Variants in GRID2 observed in about 807,000 individuals in gnomAD.
The protein encoded by GRID2 is glutamate ionotropic receptor delta type subunit 2.
GRID2 carries 33 observed loss-of-function variants against 114.8 expected under a neutral mutation model. The observed-to-expected ratio is 0.29, with a 90% CI of 0.22 to 0.38. GRID2 has a LOEUF of 0.38. Ranked by LOEUF, GRID2 falls within the 10% of genes least tolerant of loss-of-function variation. The pLI is 1.00. For missense variants in GRID2, 1,184 were observed against 1,257.7 expected (o/e 0.94, Z 0.89); for synonymous variants, 505 against 449.9 (o/e 1.12, Z -1.55).
intron 8 of GRID2, among the ~76,000 whole-genome samples, chr4:93,358,548 G>C (rs1761565472): frequency 6.6e-6 from 1 of 151,732 alleles, no homozygotes; most frequent in Admixed American, 6.6e-5. Flanking sequence ...ATAGATAAAT[G>C]GGGAAAATTC....
chr4:93,134,263 T>G (rs1299487115), intron 4 of GRID2, among the ~76,000 whole-genome samples: 3 of 152,146 alleles, frequency 2.0e-5, no homozygotes, highest in Non-Finnish European at 4.4e-5. Context: ...AGATGAATAT[T>G]GTTTAGAAAA....
intron 13 of GRID2, among the ~76,000 whole-genome samples, chr4:93,518,072 C>CATAT (rs151188704): frequency 0.049 from 6,807 of 138,514 alleles, 403 homozygotes; most frequent in African/African-American, 0.12. Context: ...ATAGTATATA[C>CATAT]ATATATATAT....
intron 2 of GRID2, among the ~76,000 whole-genome samples, chr4:92,902,880 T>A (rs1747680532): frequency 6.6e-6 from 1 of 151,992 alleles, no homozygotes; most frequent in African/African-American, 2.4e-5. Context: ...AATCTATGTG[T>A]TGATTTTATT....
intron 1 of GRID2, among the ~76,000 whole-genome samples, chr4:92,538,508 T>C (rs1209571634): frequency 6.6e-6 from 1 of 152,180 alleles, no homozygotes; most frequent in Non-Finnish European, 1.5e-5. Flanking sequence ...TGAGAAAGTA[T>C]GACTTGGAGC....
chr4:92,315,993 C>CAAAAAAAAAAAAAAAAAAAAAGA, intron 1 of GRID2, among the ~76,000 whole-genome samples: 285 of 60,508 alleles, frequency 4.7e-3, no homozygotes, highest in Non-Finnish European at 6.7e-3. Flanking sequence ...AAACAAAAAG[C>CAAAAAAAAAAAAAAAAAAAAAGA]AAAAAAAAAA....
At chr4:92,480,713 A>G (rs933327396) in intron 1 of GRID2, among the ~76,000 whole-genome samples, 4 of 152,108 alleles carry the variant, frequency 2.6e-5, no homozygotes, top group Admixed American at 1.3e-4. Flanking sequence ...CCTTAATTGC[A>G]TCTGCAAGTA....
intron 11 of GRID2, among the ~76,000 whole-genome samples, chr4:93,464,700 G>A (rs943694620): frequency 1.3e-5 from 2 of 151,700 alleles, no homozygotes; most frequent in Admixed American, 6.6e-5. Flanking sequence ...TCTTTTTTGT[G>A]TCAAAATTTA....
intron 1 of GRID2, among the ~76,000 whole-genome samples, chr4:92,337,708 A>G (rs981502218): frequency 6.6e-6 from 1 of 152,184 alleles, no homozygotes; most frequent in African/African-American, 2.4e-5. Context: ...CCCGTGATCC[A>G]GTCACCTCCC....
At chr4:92,439,256 C>T (rs1732895747) in intron 1 of GRID2, among the ~76,000 whole-genome samples, 1 of 152,040 alleles carries the variant, frequency 6.6e-6, no homozygotes, top group African/African-American at 2.4e-5. Context: ...CGGCCATTTA[C>T]ACTTCTTTTG....
chr4:92,774,255 G>C (rs1254271731), intron 2 of GRID2, among the ~76,000 whole-genome samples: 1 of 151,902 alleles, frequency 6.6e-6, no homozygotes, highest in African/African-American at 2.4e-5. Context: ...TGGAGGGAGA[G>C]CATTCCAAGG....
At chr4:93,321,320 TA>T (rs368470718) in intron 8 of GRID2, among the ~76,000 whole-genome samples, 6 of 151,726 alleles carry the variant, frequency 4.0e-5, no homozygotes, top group Admixed American at 1.3e-4. Context: ...TCCCTAATTA[TA>T]AAAAAAAGCC....
At chr4:92,692,023 AC>A (rs1268381636) in intron 2 of GRID2, among the ~76,000 whole-genome samples, 3 of 152,174 alleles carry the variant, frequency 2.0e-5, no homozygotes, top group East Asian at 1.9e-4. Context: ...TAACTTAGAG[AC>A]AAAAAGCCAC....
In GRID2 at chr4:92,848,655, C is replaced by A. The variant is rs1743522664; in HGVS notation, c.245-236340C>A. Among the ~76,000 whole-genome samples the A allele has an allele frequency of 1.3e-5, 2 of 151,854 alleles. 1 individual carries two copies. Among genetic ancestry groups the A allele is most frequent in the Admixed American group, 1.3e-4 (2 of 15,186 alleles). ...TTAATGGGTAACTAGATTGATGAGT[C>A]TACATCATTACCACCTGAGAATTTA... is the stretch of plus-strand genomic sequence containing the variant. On this transcript the variant is annotated intron_variant, in intron 2 of 15. Transcript: ENST00000282020.
At chr4:92,974,941 A>G (rs2149177495) in intron 2 of GRID2, among the ~76,000 whole-genome samples, 1 of 83,778 alleles carries the variant, frequency 1.2e-5, no homozygotes, top group South Asian at 3.3e-4. Flanking sequence ...GCGGATCACA[A>G]GGTCAGGAGA....
At chr4:92,596,074 G>T (rs576229645) in intron 2 of GRID2, among the ~76,000 whole-genome samples, 1 of 152,062 alleles carries the variant, frequency 6.6e-6, no homozygotes, top group Non-Finnish European at 1.5e-5. Flanking sequence ...TACAGTATGT[G>T]TACCCCAACA....
chr4:92,399,668 T>TAC, intron 1 of GRID2, among the ~76,000 whole-genome samples: 1 of 82,554 alleles, frequency 1.2e-5, no homozygotes, highest in Non-Finnish European at 2.6e-5. Flanking sequence ...TCTCTCTCTA[T>TAC]ATATATATAT....
intron 4 of GRID2, among the ~76,000 whole-genome samples, chr4:93,154,737 C>A (rs1400450101): frequency 2.0e-5 from 3 of 150,772 alleles, no homozygotes; most frequent in Non-Finnish European, 4.4e-5. Flanking sequence ...GTATTCGTGG[C>A]AAAAAAACAA....
intron 4 of GRID2, among the ~76,000 whole-genome samples, chr4:93,173,412 C>CAGGA (rs1235469663): frequency 6.7e-6 from 1 of 149,826 alleles, no homozygotes; most frequent in Non-Finnish European, 1.5e-5. Context: ...TATCCTAGGA[C>CAGGA]AGGAAGGAAG....
chr4:93,111,071 G>T (rs2149351812), intron 4 of GRID2, 118 bp downstream of exon 4: 1 of 670,032 alleles, frequency 1.5e-6, no homozygotes, highest in Non-Finnish European at 2.7e-6. Context: ...CACAATTCTT[G>T]TTAACACTAA....
Sources: allele counts gnomAD v4.1 joint callset (sites outside exome capture counted in the v4.1 genomes callset), GRCh38; gene constraint gnomAD v4.1.1; transcripts MANE v1.5; gene names NCBI Gene and HGNC (gene_info 2026-07-23, HGNC 2026-07-21).